ZNF329: variants seen among roughly 807,000 people sequenced by gnomAD.
The protein encoded by ZNF329 is zinc finger protein 329.
A neutral mutation model predicts 26.6 loss-of-function variants in ZNF329; 15 were observed. That is an observed-to-expected ratio of 0.56 (90% CI 0.38 to 0.87). ZNF329 has a LOEUF of 0.87. Ranked by LOEUF, ZNF329 falls within the 40% of genes least tolerant of loss-of-function variation. ZNF329 has a pLI of 0.00. For synonymous variants in ZNF329, 239 were observed against 233.5 expected, an observed-to-expected ratio of 1.02 and a Z score of -0.21; for missense variants, 651 against 651.9, an observed-to-expected ratio of 1.00 and a Z score of 0.02.
chr19:58,142,549 G>A lies in ZNF329; in HGVS notation c.-9+8C>T, dbSNP rs1303646704. The A allele has an allele frequency of 6.6e-6, 1 of 152,556 alleles. No homozygotes were observed. Among genetic ancestry groups the A allele is most frequent in the Non-Finnish European group, 1.5e-5 (1 of 68,034 alleles). 9.5% of individuals were successfully genotyped at this position (152,556 alleles called of 1,614,324 possible). On this transcript the variant is annotated splice_region_variant and intron_variant, in intron 3 of 3. Coordinates refer to ENST00000598312, the MANE Select transcript of ZNF329 (RefSeq NM_024620.4). Reference sequence around the variant, plus strand: ...AGCTCATGTAGACTTCCATTCCCTGGTACTCACCTCTGAAAGGCAGAGGGA... The same window carrying A: ...AGCTCATGTAGACTTCCATTCCCTGATACTCACCTCTGAAAGGCAGAGGGA...
At chr19:58,141,538 G>A (rs2075188576) in intron 3 of ZNF329, among the ~76,000 whole-genome samples, 1 of 152,000 alleles carries the variant, frequency 6.6e-6, no homozygotes, top group Non-Finnish European at 1.5e-5. Context: ...AAGGTGATCA[G>A]CCTGCCTTGG....
chr19:58,134,375 G>A (rs1211857237), intron 3 of ZNF329, among the ~76,000 whole-genome samples: 2 of 152,054 alleles, frequency 1.3e-5, no homozygotes, highest in Non-Finnish European at 2.9e-5. Flanking sequence ...AGCACAAAAA[G>A]GACAGACTAA....
Position 58,129,008 on chromosome 19 carries a change from TC to T in ZNF329, c.495del (p.Ile167Ter). The T allele has an allele frequency of 6.2e-7, 1 of 1,613,106 alleles. No individual in the cohort carries two copies. Among genetic ancestry groups the T allele is most frequent in the East Asian group, 2.2e-5 (1 of 44,876 alleles). On this transcript the variant is annotated frameshift_variant, in exon 4 of 4. Coordinates refer to ENST00000598312, the MANE Select transcript of ZNF329 (RefSeq NM_024620.4). LOFTEE classifies it high-confidence loss of function. ...GATTTCTTGCCTCTTTTCATTATTT[TC>T]TGATGACCAAGAGAGGTAAAATGAT... ...SFNHFTSLGHQKIMKRGKKSY... is the reference protein window; with the variant it reads ...SFNHFTSLGHXKIMKRGKKSY...
Position 58,127,925 on chromosome 19 carries a change from C to T in ZNF329, c.1579G>A (p.Val527Ile). ...GKMFQKSSSL[V>I]RHQRAHLGEQ... ...CCCAGGTGTGCTCTTTGATGTCGAA[C>T]AAGGGATGAGCTCTTTTGGAACATT... Residue 527 changes from valine (V) to isoleucine (I), a missense_variant, in exon 4 of 4, where the codon GTT (valine) becomes ATT (isoleucine). Coordinates refer to ENST00000598312, the MANE Select transcript of ZNF329 (RefSeq NM_024620.4). 6.2e-7 allele frequency: 1 copy of T among 1,611,020 alleles called. No individual in the cohort carries two copies. Among genetic ancestry groups the T allele is most frequent in the Non-Finnish European group, 8.5e-7 (1 of 1,178,446 alleles).
Position 58,128,330 on chromosome 19 carries a change from T to C in ZNF329, c.1174A>G (p.Ile392Val). ...TCATAGGGTTTCTCCCCAGAATGGA[T>C]CTTTTGATGCACAATGAGGTGAGAG... ...RNSHLIVHQKIHSGEKPYECK... is the reference protein window; with the variant it reads ...RNSHLIVHQKVHSGEKPYECK... The change falls in exon 4 of 4, where the codon ATC becomes GTC. Residue 392 changes from isoleucine to valine, a missense_variant. Ile to Val is a conservative substitution (Grantham distance 29). Transcript: ENST00000598312. The C allele has an allele frequency of 6.2e-7, 1 of 1,614,136 alleles. No homozygotes were observed. The highest frequency in any genetic ancestry group is 8.5e-7 in the Non-Finnish European group (1 of 1,180,028).
chr19:58,132,482 G>C (rs892225287), intron 3 of ZNF329: 1 of 152,048 alleles, frequency 6.6e-6, no homozygotes, highest in Non-Finnish European at 1.5e-5. Context: ...CTAAGGTCAG[G>C]AGTTCAAGAC....
At chr19:58,140,355 T>A (rs930310788) in intron 3 of ZNF329, among the ~76,000 whole-genome samples, 1 of 151,522 alleles carries the variant, frequency 6.6e-6, no homozygotes. Context: ...GCACATTACA[T>A]AAAAATTTAC....
chr19:58,143,089 G>A lies in ZNF329; in HGVS notation c.-114+16C>T, dbSNP rs1421336620. ...AATGTAGTGAAATGCCTTTAGCCAG[G>A]CGTGATGGTGCATACCTGAAGTCCC... On this transcript the variant is annotated intron_variant, in intron 2 of 3. Coordinates refer to ENST00000598312, the MANE Select transcript of ZNF329 (RefSeq NM_024620.4). The A allele has an allele frequency of 6.6e-6, 1 of 152,216 alleles. No homozygotes were observed. The highest frequency in any genetic ancestry group is 1.5e-5 in the Non-Finnish European group (1 of 68,126). The allele number at this position is 152,216 out of a possible 1,614,324, so 9.4% of individuals were successfully genotyped here.
chr19:58,131,113 G>A (rs1326080155), intron 3 of ZNF329, among the ~76,000 whole-genome samples: 1 of 146,936 alleles, frequency 6.8e-6, no homozygotes, highest in Non-Finnish European at 1.5e-5. Flanking sequence ...ACATGTATAT[G>A]TGTATATGTG....
At chr19:58,146,222 C>T (rs2075306248) in intron 1 of ZNF329, among the ~76,000 whole-genome samples, 1 of 152,070 alleles carries the variant, frequency 6.6e-6, no homozygotes, top group African/African-American at 2.4e-5. Context: ...ACCTGTAATC[C>T]CAGCACTGTA....
chr19:58,140,736 A>T (rs2075166855), intron 3 of ZNF329, among the ~76,000 whole-genome samples: 1 of 151,776 alleles, frequency 6.6e-6, no homozygotes, highest in Admixed American at 6.6e-5. Flanking sequence ...CTTAAGAGAC[A>T]GGGTCTCACT....
intron 3 of ZNF329, among the ~76,000 whole-genome samples, chr19:58,138,236 T>C (rs2075114746): frequency 6.6e-6 from 1 of 152,180 alleles, no homozygotes; most frequent in Non-Finnish European, 1.5e-5. Flanking sequence ...CCAAGACTCA[T>C]GATCAAAATA....
chr19:58,147,345 C>A (rs2075339425), intron 1 of ZNF329, among the ~76,000 whole-genome samples: 1 of 151,370 alleles, frequency 6.6e-6, no homozygotes, highest in African/African-American at 2.4e-5. Context: ...TGAGGAGCCC[C>A]TCCGCCCGGC....
rs1463183997 is a variant in ZNF329 at position 58,144,368 on chromosome 19, C to A, written c.-207-1170G>T. Among the ~76,000 whole-genome samples, 5 of 80,926 alleles carry A rather than the reference C, an allele frequency of 6.2e-5. No individual in the cohort carries two copies. The East Asian group carries it at 1.4e-3, about 23-fold the overall frequency. 53.1% of individuals were successfully genotyped at this position (80,926 alleles called of 152,430 possible). A position where few individuals can be genotyped will look rare whatever the true frequency, so the allele number is the denominator to read the frequency against. ...TTTACATCTATATCTATCTATCTAT[C>A]TATCTATCTATCTATATATATATAT... On this transcript the variant is annotated intron_variant, in intron 1 of 3. Transcript: ENST00000598312.
intron 2 of ZNF329, among the ~76,000 whole-genome samples, 175 bp downstream of exon 2, chr19:58,142,930 C>A (rs1257441476): frequency 6.6e-6 from 1 of 152,182 alleles, no homozygotes; most frequent in Non-Finnish European, 1.5e-5. Flanking sequence ...AAGCCCCAAC[C>A]CCAACCCCAT....
chr19:58,153,505 G>A (rs1216503379), upstream of ZNF329, among the ~76,000 whole-genome samples: 1 of 152,150 alleles, frequency 6.6e-6, no homozygotes, highest in African/African-American at 2.4e-5. Context: ...TAAGGTCTCT[G>A]CCATGACTAC....
rs191900998 is a variant in ZNF329 at position 58,133,066 on chromosome 19, C to G, written c.-8-3555G>C. On this transcript the variant is annotated intron_variant, in intron 3 of 3. Coordinates refer to ENST00000598312, the MANE Select transcript of ZNF329 (RefSeq NM_024620.4). ...TGACCTCGTGATCCGCCCGCCTCAGCCTCCCAGAGTGCTGGGATTACAGGC... is the reference window on the plus strand; with the variant it reads ...TGACCTCGTGATCCGCCCGCCTCAGGCTCCCAGAGTGCTGGGATTACAGGC... Among the ~76,000 whole-genome samples the G allele has an allele frequency of 4.1e-3, 625 of 152,314 alleles. 4 individuals are homozygous for G. The highest frequency in any genetic ancestry group is 0.014 in the African/African-American group (596 of 41,566).
chr19:58,146,025 G>A (rs118147710), intron 1 of ZNF329, among the ~76,000 whole-genome samples: 15 of 149,064 alleles, frequency 1.0e-4, no homozygotes, highest in Non-Finnish European at 2.2e-4. Flanking sequence ...AGAAAGGAGA[G>A]TGCCATTCAA....
chr19:58,146,993 C>T (rs2075326967), intron 1 of ZNF329, among the ~76,000 whole-genome samples: 1 of 152,118 alleles, frequency 6.6e-6, no homozygotes, highest in African/African-American at 2.4e-5. Context: ...AAGTGAGGAG[C>T]ATCTCTGCCT....
Sources: allele counts gnomAD v4.1 joint callset (sites outside exome capture counted in the v4.1 genomes callset), GRCh38; gene constraint gnomAD v4.1.1; transcripts MANE v1.5; gene names NCBI Gene and HGNC (gene_info 2026-07-23, HGNC 2026-07-21).